Variants in MACF1 observed in about 807,000 individuals in gnomAD.
MACF1 encodes the protein microtubule-actin cross-linking factor 1.
A neutral mutation model predicts 854.8 loss-of-function variants in MACF1; 193 were observed. The observed-to-expected ratio is 0.23, with a 90% CI of 0.20 to 0.25. The LOEUF (loss-of-function observed/expected upper bound fraction) is 0.25, where lower values mean the gene tolerates loss of function less well. Among genes scored for constraint, MACF1 ranks in the 10% least tolerant of loss-of-function variants. The probability of loss-of-function intolerance (pLI) is 1.00; values close to 1 mark genes in which losing one functional copy is unlikely to be tolerated. For missense variants in MACF1, 7,722 were observed against 8,929.1 expected (o/e 0.86, Z 5.45); for synonymous variants, 3,185 against 3,226.7 (o/e 0.99, Z 0.44).
rs1308309654 is a variant in MACF1, at chr1:39,232,742, CTTTGTTTTT to C, written c.171+1503_171+1511del. Among the ~76,000 whole-genome samples, 360 of 55,968 alleles carry C rather than the reference CTTTGTTTTT, an allele frequency of 6.4e-3. 1 individual carries two copies. Among genetic ancestry groups the C allele is most frequent in the African/African-American group, 0.017 (347 of 20,600 alleles). The allele number at this position is 55,968 out of a possible 152,430, so 36.7% of individuals were successfully genotyped here. On this transcript the variant is annotated intron_variant, in intron 2 of 100. Coordinates refer to ENST00000564288, the MANE Select transcript of MACF1 (RefSeq NM_001394062.1). ...TATCAGAAAACTACTCTCATACTCT[CTTTGTTTTT>C]TTTTTTTTTTTTTTTTTGTTTGTTT...
rs1346949950 is a variant in MACF1 at position 39,334,437 on chromosome 1, G to A, written c.7849G>A (p.Gly2617Ser). 1.9e-6 allele frequency: 3 copies of A among 1,613,938 alleles called. No individual in the cohort carries two copies. Among genetic ancestry groups the A allele is most frequent in the East Asian group, 2.2e-5 (1 of 44,892 alleles). ...AGTATTGTCTCCAGGAATGATGCAT[G>A]GCATTGTAGATCCCGAGAACTGCAG... ...EAVLSPGMMH[G>S]IVDPENCRIV... The change falls in exon 37 of 101, where the codon GGC becomes AGC. Residue 2617 changes from glycine to serine, a missense_variant. Coordinates refer to ENST00000564288, the MANE Select transcript of MACF1 (RefSeq NM_001394062.1).
chr1:39,443,007 T>C (rs1644150549), intron 78 of MACF1, 96 bp downstream of exon 78: 1 of 1,230,646 alleles, frequency 8.1e-7, no homozygotes, highest in Non-Finnish European at 1.1e-6. Context: ...AAGCAAAGAA[T>C]CCCTTATGTC....
chr1:39,340,416 T>A (rs775755657), intron 38 of MACF1, 86 bp from the exon 39 acceptor site: 8 of 905,624 alleles, frequency 8.8e-6, no homozygotes, highest in African/African-American at 1.6e-5. Flanking sequence ...TGTGTAGACA[T>A]GGGGTGAGAG....
intron 2 of MACF1, among the ~76,000 whole-genome samples, chr1:39,095,561 C>CAAAA (rs34021324): frequency 1.8e-3 from 102 of 55,760 alleles, no homozygotes; most frequent in Non-Finnish European, 2.1e-3. Context: ...GACTCTGTCT[C>CAAAA]AAAAAAAAAA....
chr1:39,333,959 G>A lies in MACF1; in HGVS notation c.7371G>A (p.Glu2457=). 6.2e-7 allele frequency: 1 copy of A among 1,614,200 alleles called. No homozygotes were observed. The change falls in exon 37 of 101, where the codon GAG becomes GAA. Residue 2457 remains glutamate (E), a synonymous_variant. Transcript: ENST00000564288. ...GAGATGCTGAAAAAACAGTTAGGGA[G>A]AGATTAATTAGTTTACAAATGGAAA... The part of the protein sequence containing the change: ...KGRDAEKTVR[E]RLISLQMETT...
Position 39,331,558 on chromosome 1 carries a change from C to T in MACF1, c.4970C>T (p.Ala1657Val), listed in dbSNP as rs1363344004. ...VGLKILEAHLATGGFSLSPSE... is the reference protein window; with the variant it reads ...VGLKILEAHLVTGGFSLSPSE... The stretch of plus-strand genomic sequence containing the variant: ...CTGAAAATCTTAGAAGCTCACCTGG[C>T]AACTGGAGGTTTCAGTCTTTCCCCT... The change falls in exon 37 of 101, where the codon GCA (alanine) becomes GTA (valine). Residue 1657 changes from alanine to valine, a missense_variant. Transcript: ENST00000564288. The T allele has an allele frequency of 1.2e-6, 2 of 1,614,180 alleles. No individual in the cohort carries two copies. Among genetic ancestry groups the T allele is most frequent in the Non-Finnish European group, 8.5e-7 (1 of 1,180,030 alleles).
At chr1:39,170,427 C>T (rs1185082242) in intron 2 of MACF1, among the ~76,000 whole-genome samples, 2 of 152,208 alleles carry the variant, frequency 1.3e-5, no homozygotes, top group Non-Finnish European at 2.9e-5. Flanking sequence ...ACCATGTGTG[C>T]TGTGCTCTGC....
At chr1:39,462,156 G>C (rs1352255296) in intron 93 of MACF1, 119 bp downstream of exon 93, 22 of 974,740 alleles carry the variant, frequency 2.3e-5, no homozygotes, top group Non-Finnish European at 2.7e-5. Flanking sequence ...ATAATTATTT[G>C]GAGTTCTATT....
chr1:39,477,070 T>TACATACACACAC (rs1224707870), intron 97 of MACF1, among the ~76,000 whole-genome samples: 14 of 43,200 alleles, frequency 3.2e-4, no homozygotes, highest in African/African-American at 1.4e-3. Context: ...TATATATATA[T>TACATACACACAC]ATATATATAT....
rs1488714649 is a variant in MACF1 at position 39,452,255 on chromosome 1, G to A, written c.20518G>A (p.Val6840Ile). Residue 6840 changes from valine (V) to isoleucine (I), a missense_variant, in exon 86 of 101, where the codon GTA becomes ATA. By Grantham distance (29) the Val-to-Ile change is conservative. Coordinates refer to ENST00000564288, the MANE Select transcript of MACF1 (RefSeq NM_001394062.1). ...IENSRDDTTW[V>I]KGQLQELSTR... ...GAATAGTCGAGATGACACCACTTGG[G>A]TAAAAGGACAGCTCCAGGAACTGAG... The A allele has an allele frequency of 9.3e-6, 15 of 1,614,052 alleles. No individual in the cohort carries two copies. The highest frequency in any genetic ancestry group is 1.3e-5 in the Non-Finnish European group (15 of 1,180,042).
chr1:39,240,877 A>G (rs932375385), intron 2 of MACF1, among the ~76,000 whole-genome samples: 3 of 152,146 alleles, frequency 2.0e-5, no homozygotes, highest in Non-Finnish European at 4.4e-5. Context: ...ATTTCTCACA[A>G]TTTAGGGAAT....
chr1:39,306,617 T>G (rs1646183241), intron 23 of MACF1, among the ~76,000 whole-genome samples: 1 of 150,494 alleles, frequency 6.6e-6, no homozygotes, highest in Non-Finnish European at 1.5e-5. Context: ...TATCTTTTTT[T>G]TTTTTTTTTT....
At chr1:39,247,220 G>A (rs1244131998) in intron 2 of MACF1, among the ~76,000 whole-genome samples, 5 of 149,872 alleles carry the variant, frequency 3.3e-5, no homozygotes, top group Non-Finnish European at 7.4e-5. Context: ...CTACAGGCGC[G>A]CGCCACCATG....
At chr1:39,310,597 C>T (rs1646280236) in intron 25 of MACF1, among the ~76,000 whole-genome samples, 169 bp downstream of exon 25, 1 of 152,192 alleles carries the variant, frequency 6.6e-6, no homozygotes, top group African/African-American at 2.4e-5. Flanking sequence ...AAAATCAGAT[C>T]ATGGAAGAAG....
chr1:39,471,819 C>T (rs1457546862), intron 97 of MACF1, among the ~76,000 whole-genome samples: 1 of 146,744 alleles, frequency 6.8e-6, no homozygotes, highest in East Asian at 2.0e-4. Flanking sequence ...TGAAATAGAA[C>T]TCATTTTTTT....
At chr1:39,200,124 C>T (rs1216839286), upstream of MACF1, among the ~76,000 whole-genome samples, 1 of 152,166 alleles carries the variant, frequency 6.6e-6, no homozygotes, top group Non-Finnish European at 1.5e-5. Flanking sequence ...CAGTGACCTC[C>T]AGAATGCTAA....
In MACF1 at chr1:39,324,232, G is replaced by A; in HGVS notation, c.4276G>A (p.Val1426Ile). 1.2e-6 allele frequency: 2 copies of A among 1,612,750 alleles called. No individual in the cohort carries two copies. Among genetic ancestry groups the A allele is most frequent in the Non-Finnish European group, 1.7e-6 (2 of 1,179,280 alleles). Residue 1426 changes from valine to isoleucine, a missense_variant, in exon 34 of 101, where the codon GTT becomes ATT. This residue lies in a region of MACF1 where 1,137 missense variants were observed against 1,263.0 expected (regional missense o/e 0.90). Transcript: ENST00000564288. ...GGAGAAACAAGAACATGTGGAGAAG[G>A]TTAAAGAACTTTTGGGCTGGGTGTC... is the stretch of plus-strand genomic sequence containing the variant. Reference protein sequence around the residue: ...EEEKQEHVEKVKELLGWVSTL... With the variant: ...EEEKQEHVEKIKELLGWVSTL...
chr1:39,189,596 C>T (rs1439854581), intron 2 of MACF1, among the ~76,000 whole-genome samples: 1 of 152,174 alleles, frequency 6.6e-6, no homozygotes, highest in Non-Finnish European at 1.5e-5. Context: ...CTCATGCTAT[C>T]TCTCCTCCTG....
chr1:39,464,860 G>C, intron 94 of MACF1: 1 of 466,460 alleles, frequency 2.1e-6, no homozygotes, highest in Non-Finnish European at 3.9e-6. Flanking sequence ...GTTGCAGTGA[G>C]CCATGATCGC....
Sources: allele counts gnomAD v4.1 joint callset (sites outside exome capture counted in the v4.1 genomes callset), GRCh38; gene constraint gnomAD v4.1.1; regional missense constraint gnomAD v4.1.1; transcripts MANE v1.5; gene names NCBI Gene and HGNC (gene_info 2026-07-23, HGNC 2026-07-21).